DCUN1D1: variants seen among roughly 807,000 people sequenced by gnomAD.
DCUN1D1 encodes the protein DCN1-like protein 1.
Under a neutral mutation model 39.0 loss-of-function variants are expected in DCUN1D1, and 3 were observed. That is an observed-to-expected ratio of 0.08 (90% CI 0.04 to 0.20). The LOEUF (loss-of-function observed/expected upper bound fraction) is 0.20, where lower values mean the gene tolerates loss of function less well. Among genes scored for constraint, DCUN1D1 ranks in the 10% least tolerant of loss-of-function variants. The probability of loss-of-function intolerance (pLI) is 1.00; values close to 1 mark genes in which losing one functional copy is unlikely to be tolerated. For synonymous variants in DCUN1D1, 82 were observed against 96.3 expected, an observed-to-expected ratio of 0.85 and a Z score of 0.87; for missense variants, 158 against 302.4, an observed-to-expected ratio of 0.52 and a Z score of 3.54.
In DCUN1D1 at chr3:182,969,105, C is replaced by T. The variant is rs1025556083; in HGVS notation, c.4-3352G>A. Among the ~76,000 whole-genome samples, 4 of 152,286 alleles carry T rather than the reference C, an allele frequency of 2.6e-5. 1 individual carries two copies. Among genetic ancestry groups the T allele is most frequent in the Admixed American group, 1.3e-4 (2 of 15,288 alleles). The stretch of plus-strand genomic sequence containing the variant: ...CCTATAAAGTCTGATAAGTACCCTC[C>T]ACTTCTTACACTTACAATGCACTCT... On this transcript the variant is annotated intron_variant, in intron 1 of 6. Transcript: ENST00000292782.
In DCUN1D1 at chr3:182,942,125, A is replaced by G. The variant is rs1446444549; in HGVS notation, c.*2969T>C. 6 of 152,142 alleles carry G rather than the reference A, an allele frequency of 3.9e-5. No individual in the cohort carries two copies. The highest frequency in any genetic ancestry group is 1.3e-4 in the Admixed American group (2 of 15,266). 9.4% of individuals were successfully genotyped at this position (152,142 alleles called of 1,614,324 possible). On this transcript the variant is annotated 3_prime_UTR_variant, in exon 7 of 7. Coordinates refer to ENST00000292782, the MANE Select transcript of DCUN1D1 (RefSeq NM_020640.4). ...TTACTTTCTCTCATTAAAACTTTTT[A>G]AAAGTCTAAGGAAGGACATGTACTT...
chr3:182,977,156 G>C (rs1029700630), intron 1 of DCUN1D1, among the ~76,000 whole-genome samples: 1 of 152,178 alleles, frequency 6.6e-6, no homozygotes, highest in Non-Finnish European at 1.5e-5. Context: ...TGAGTTAACA[G>C]ATAATACTGG....
At chr3:182,945,262 T>C in intron 6 of DCUN1D1, 89 bp from the exon 7 acceptor site, 2 of 981,296 alleles carry the variant, frequency 2.0e-6, no homozygotes, top group Non-Finnish European at 3.0e-6. Context: ...TTTTTAAGAC[T>C]TCCTCATAAG....
chr3:182,944,748 G>GAC lies in DCUN1D1; in HGVS notation c.*344_*345dup, dbSNP rs1424409108. 1 of 185,098 alleles carries GAC rather than the reference G, an allele frequency of 5.4e-6. No individual in the cohort carries two copies. The allele number at this position is 185,098 out of a possible 1,614,324, so 11.5% of individuals were successfully genotyped here. A position where few individuals can be genotyped will look rare whatever the true frequency, so the allele number is the denominator to read the frequency against. ...CTTATGCCAACTGTTTTCTGATGAA[G>GAC]ACAGCATTGTGCTTTATGCGAGAAT... On this transcript the variant is annotated 3_prime_UTR_variant, in exon 7 of 7. Coordinates refer to ENST00000292782, the MANE Select transcript of DCUN1D1 (RefSeq NM_020640.4).
At chr3:182,975,532 T>C (rs1199895653) in intron 1 of DCUN1D1, among the ~76,000 whole-genome samples, 3 of 151,842 alleles carry the variant, frequency 2.0e-5, no homozygotes, top group African/African-American at 7.3e-5. Context: ...GCACCAAAAG[T>C]TATAATTTTT....
chr3:182,978,891 C>T (rs1469919408), intron 1 of DCUN1D1, among the ~76,000 whole-genome samples: 4 of 152,198 alleles, frequency 2.6e-5, no homozygotes, highest in African/African-American at 7.2e-5. Flanking sequence ...TGCCTGAATT[C>T]CTGAACAGGT....
intron 1 of DCUN1D1, among the ~76,000 whole-genome samples, chr3:182,979,441 C>T (rs1728403266): frequency 6.6e-6 from 1 of 152,188 alleles, no homozygotes; most frequent in Non-Finnish European, 1.5e-5. Context: ...ATCATTTTTA[C>T]TATTCATACA....
At chr3:182,976,091 T>C (rs1042591579) in intron 1 of DCUN1D1, among the ~76,000 whole-genome samples, 6 of 152,188 alleles carry the variant, frequency 3.9e-5, no homozygotes, top group Non-Finnish European at 7.3e-5. Flanking sequence ...TTAACCCTAG[T>C]GTGGCTAGGT....
chr3:182,979,984 G>C (rs1478123282), intron 1 of DCUN1D1: 1 of 176,562 alleles, frequency 5.7e-6, no homozygotes, highest in Non-Finnish European at 1.1e-5. Context: ...GCCGGGAGCG[G>C]AGGAGGGAGA....
rs367888827 is a variant in DCUN1D1, at chr3:182,961,361, G to A, written c.390-5C>T. 6.6e-5 allele frequency: 105 copies of A among 1,579,726 alleles called. No individual in the cohort carries two copies. The Middle Eastern group carries it at 2.0e-3, about 31-fold the overall frequency. ...AGTTTTTCTATGCTGTCACATCTGC[G>A]TCGTAAAATTAAGTTTATAAAAGAT... On this transcript the variant is annotated splice_region_variant and splice_polypyrimidine_tract_variant and intron_variant, in intron 3 of 6. Transcript: ENST00000292782.
Position 182,945,066 on chromosome 3 carries a change from A to G in DCUN1D1, c.*28T>C. ...TTCTGTTGTATTTATTGTACAGACT[A>G]TGTACATTCTAGAAGGTTCCTTTAG... On this transcript the variant is annotated 3_prime_UTR_variant, in exon 7 of 7. Coordinates refer to ENST00000292782, the MANE Select transcript of DCUN1D1 (RefSeq NM_020640.4). 1 of 1,557,520 alleles carries G rather than the reference A, an allele frequency of 6.4e-7. No individual in the cohort carries two copies. Among genetic ancestry groups the G allele is most frequent in the Non-Finnish European group, 8.8e-7 (1 of 1,130,560 alleles).
At chr3:182,959,678 C>T (rs1727284523) in intron 4 of DCUN1D1, among the ~76,000 whole-genome samples, 1 of 152,130 alleles carries the variant, frequency 6.6e-6, no homozygotes, top group Non-Finnish European at 1.5e-5. Flanking sequence ...AAGGATGAAT[C>T]ACTCAAAAAA....
chr3:182,953,383 A>G (rs1004483990), intron 4 of DCUN1D1, among the ~76,000 whole-genome samples: 23 of 152,218 alleles, frequency 1.5e-4, no homozygotes, highest in African/African-American at 5.3e-4. Context: ...AAAGAAATTT[A>G]TAAGTGATGA....
At chr3:182,977,047 T>C (rs1198018661) in intron 1 of DCUN1D1, among the ~76,000 whole-genome samples, 1 of 152,254 alleles carries the variant, frequency 6.6e-6, no homozygotes, top group African/African-American at 2.4e-5. Flanking sequence ...CCCATTAATA[T>C]GAATTTTGTT....
chr3:182,945,110 T>A lies in DCUN1D1; in HGVS notation c.764A>T (p.Lys255Ile). Residue 255 changes from lysine (K) to isoleucine (I), a missense_variant, in exon 7 of 7, where the codon AAA becomes ATA. Transcript: ENST00000292782. ...CCTTTAGTGCTACACTGTTGTACTT[T>A]TTGTCCCAGCAATTTGAGGGCGTGC... ...EFARPQIAGT[K>I]STTV 1 of 1,613,262 alleles carries A rather than the reference T, an allele frequency of 6.2e-7. No homozygotes were observed. Among genetic ancestry groups the A allele is most frequent in the South Asian group, 1.1e-5 (1 of 91,022 alleles).
chr3:182,961,204 T>C, intron 4 of DCUN1D1, 22 bp downstream of exon 4: 1 of 1,439,022 alleles, frequency 6.9e-7, no homozygotes, highest in Non-Finnish European at 9.5e-7. Context: ...AAACACCAAA[T>C]ATAATTTTTA....
At chr3:182,969,734 C>T (rs187079624) in intron 1 of DCUN1D1, among the ~76,000 whole-genome samples, 67 of 151,890 alleles carry the variant, frequency 4.4e-4, no homozygotes, top group African/African-American at 1.5e-3. Context: ...CTTTTTAACC[C>T]CAGCAAAAAA....
At chr3:182,947,788 T>A (rs1184613350) in intron 4 of DCUN1D1, among the ~76,000 whole-genome samples, 156 bp from the exon 5 acceptor site, 1 of 152,232 alleles carries the variant, frequency 6.6e-6, no homozygotes, top group Non-Finnish European at 1.5e-5. Flanking sequence ...CCTATACAAA[T>A]GAGTCCAAAG....
In DCUN1D1 at chr3:182,965,763, C is replaced by T. The variant is rs1365108056; in HGVS notation, c.4-10G>A. 4.4e-6 allele frequency: 7 copies of T among 1,585,768 alleles called. No individual in the cohort carries two copies. Among genetic ancestry groups the T allele is most frequent in the South Asian group, 3.3e-5 (3 of 89,922 alleles). On this transcript the variant is annotated splice_polypyrimidine_tract_variant and intron_variant, in intron 1 of 6. Coordinates refer to ENST00000292782, the MANE Select transcript of DCUN1D1 (RefSeq NM_020640.4). ...ATGATTTCAACTTGTTCTATTGAAA[C>T]CAGAAAATAAACTGAAACTCTATGT...
Sources: gnomAD v4.1 joint callset for allele counts (sites outside exome capture counted in the v4.1 genomes callset) on GRCh38, gnomAD v4.1.1 for gene constraint, MANE v1.5 for transcripts, NCBI Gene and HGNC (gene_info 2026-07-23, HGNC 2026-07-21) for gene names.